The following NCAM2 variants were observed in gnomAD, a reference collection of about 807,000 sequenced individuals.
NCAM2 encodes N-CAM-2.
NCAM2 carries 30 observed loss-of-function variants against 98.1 expected under a neutral mutation model. That is an observed-to-expected ratio of 0.31 (90% CI 0.23 to 0.41). NCAM2 has a LOEUF of 0.41. Ranked by LOEUF, NCAM2 falls within the 10% of genes least tolerant of loss-of-function variation. The pLI, the probability that NCAM2 is intolerant of heterozygous loss-of-function variation, is 1.00. For missense variants in NCAM2, 867 were observed against 1,005.8 expected (o/e 0.86, Z 1.87); for synonymous variants, 368 against 342.4 (o/e 1.07, Z -0.83).
intron 15 of NCAM2, among the ~76,000 whole-genome samples, chr21:21,508,217 G>T (rs1416220461): frequency 6.6e-6 from 1 of 152,066 alleles, no homozygotes; most frequent in Non-Finnish European, 1.5e-5. Context: ...GCTATAAAAT[G>T]TTGCCTTTAA....
chr21:21,352,744 A>G (rs2075375196), intron 8 of NCAM2, among the ~76,000 whole-genome samples: 1 of 149,912 alleles, frequency 6.7e-6, no homozygotes, highest in Non-Finnish European at 1.5e-5. Flanking sequence ...CATTTAGAAG[A>G]ATGTATAACT....
intron 1 of NCAM2, among the ~76,000 whole-genome samples, chr21:21,221,940 G>A (rs1340695030): frequency 6.6e-6 from 1 of 152,102 alleles, no homozygotes; most frequent in Admixed American, 6.6e-5. Context: ...GTCTCTCTTG[G>A]TGTGGGGCAG....
chr21:21,373,616 T>C lies in NCAM2; in HGVS notation c.1045-247T>C, dbSNP rs1359622567. 4.0e-5 allele frequency among the ~76,000 whole-genome samples: 6 copies of C among 151,748 alleles called. No homozygotes were observed. In the Admixed American group the frequency reaches 4.0e-4, roughly 10 times the overall value. The stretch of plus-strand genomic sequence containing the variant: ...AGTGATTGGGTTTTGTTTGGAGTCA[T>C]TGAAATGCTTTTTATCATTATACAG... On this transcript the variant is annotated intron_variant, in intron 8 of 17. Transcript: ENST00000400546.
intron 1 of NCAM2, among the ~76,000 whole-genome samples, chr21:21,221,365 AT>A (rs368513277): frequency 1 from 152,126 of 152,304 alleles, 75,974 homozygotes; most frequent in Middle Eastern, 1. Flanking sequence ...TCTCACCCAA[AT>A]TTTCCCAGGG....
intron 2 of NCAM2, 83 bp from the exon 3 acceptor site, chr21:21,284,111 A>G (rs972490716): frequency 4.7e-6 from 5 of 1,057,520 alleles, no homozygotes; most frequent in Non-Finnish European, 7.1e-6. Context: ...AATGGTTAAT[A>G]TTATTACATA....
chr21:21,095,274 A>G (rs2066097560), intron 1 of NCAM2, among the ~76,000 whole-genome samples: 2 of 151,716 alleles, frequency 1.3e-5, no homozygotes, highest in East Asian at 1.9e-4. Flanking sequence ...ACCTTAATCC[A>G]AGGAAGAAAT....
At chr21:21,322,348 G>A (rs1182048008) in intron 5 of NCAM2, among the ~76,000 whole-genome samples, 3 of 151,966 alleles carry the variant, frequency 2.0e-5, no homozygotes, top group African/African-American at 4.8e-5. Flanking sequence ...TACCTATTGG[G>A]TATCATGCTA....
chr21:21,490,398 T>A (rs1986749894), intron 15 of NCAM2, among the ~76,000 whole-genome samples: 1 of 151,964 alleles, frequency 6.6e-6, no homozygotes, highest in South Asian at 2.1e-4. Flanking sequence ...TGTGAACTAA[T>A]CTAATATTGG....
chr21:21,228,869 A>C (rs182807521), intron 1 of NCAM2, among the ~76,000 whole-genome samples: 1 of 151,498 alleles, frequency 6.6e-6, no homozygotes, highest in Non-Finnish European at 1.5e-5. Context: ...GTATCTTAAT[A>C]CTGGGTCATA....
chr21:21,158,915 C>T (rs1399687050), intron 1 of NCAM2, among the ~76,000 whole-genome samples: 4 of 151,974 alleles, frequency 2.6e-5, no homozygotes, highest in African/African-American at 7.3e-5. Flanking sequence ...ATTAAAGAGC[C>T]TCAAACAAGT....
At chr21:21,148,706 T>A (rs1435117984) in intron 1 of NCAM2, among the ~76,000 whole-genome samples, 1 of 152,176 alleles carries the variant, frequency 6.6e-6, no homozygotes, top group Non-Finnish European at 1.5e-5. Flanking sequence ...TAGTTATTAA[T>A]AGTTCTGAGA....
At chr21:21,280,374 A>G (rs1047354535) in intron 1 of NCAM2, among the ~76,000 whole-genome samples, 1 of 152,180 alleles carries the variant, frequency 6.6e-6, no homozygotes, top group Non-Finnish European at 1.5e-5. Flanking sequence ...GAAGTGCTGT[A>G]TTTAGTCTGA....
At chr21:21,253,645 G>A (rs1319268356) in intron 1 of NCAM2, among the ~76,000 whole-genome samples, 2 of 152,086 alleles carry the variant, frequency 1.3e-5, no homozygotes, top group African/African-American at 4.8e-5. Context: ...TTCTTTATAA[G>A]CAACATAATT....
At chr21:21,449,171 T>A (rs753482323) in intron 12 of NCAM2, among the ~76,000 whole-genome samples, 7 of 152,066 alleles carry the variant, frequency 4.6e-5, no homozygotes, top group African/African-American at 9.7e-5. Context: ...ATACTTTTTT[T>A]AATTTTTCAA....
chr21:21,261,967 A>T (rs2071918161), intron 1 of NCAM2, among the ~76,000 whole-genome samples: 1 of 152,160 alleles, frequency 6.6e-6, no homozygotes, highest in African/African-American at 2.4e-5. Context: ...GGCTAGCTAG[A>T]TTAACTAAGA....
intron 5 of NCAM2, among the ~76,000 whole-genome samples, chr21:21,294,665 G>T (rs1344668762): frequency 2.0e-5 from 3 of 151,866 alleles, no homozygotes; most frequent in Non-Finnish European, 4.4e-5. Flanking sequence ...TCTGGAGGAT[G>T]CAGTTGGACA....
At chr21:21,305,766 T>C (rs181121047) in intron 5 of NCAM2, among the ~76,000 whole-genome samples, 6 of 152,262 alleles carry the variant, frequency 3.9e-5, no homozygotes, top group Admixed American at 3.9e-4. Context: ...TGATCTTTAT[T>C]ATTTTATCTT....
chr21:21,045,152 T>A (rs1289274101), intron 1 of NCAM2, among the ~76,000 whole-genome samples: 1 of 151,990 alleles, frequency 6.6e-6, no homozygotes, highest in Non-Finnish European at 1.5e-5. Flanking sequence ...TTAACAGACA[T>A]TAACAAAAAA....
chr21:21,010,533 T>C (rs2146135678), intron 1 of NCAM2, among the ~76,000 whole-genome samples: 1 of 152,240 alleles, frequency 6.6e-6, no homozygotes, highest in African/African-American at 2.4e-5. Flanking sequence ...GCCTCCTTCC[T>C]ACACTGTGCA....
Sources: gnomAD v4.1 joint callset for allele counts (sites outside exome capture counted in the v4.1 genomes callset) on GRCh38, gnomAD v4.1.1 for gene constraint, MANE v1.5 for transcripts, NCBI Gene and HGNC (gene_info 2026-07-23, HGNC 2026-07-21) for gene names.